Variants in MIA3 observed in about 807,000 individuals in gnomAD.
MIA3 encodes transport and Golgi organization protein 1 homolog.
Under a neutral mutation model 192.4 loss-of-function variants are expected in MIA3, and 90 were observed. The ratio of observed to expected loss-of-function variants is 0.47; its 90% CI spans 0.39 to 0.56. MIA3 has a LOEUF of 0.56. MIA3 is among the 20% of genes least tolerant of loss of function. The pLI is 0.00. For synonymous variants in MIA3, 740 were observed against 792.8 expected, an observed-to-expected ratio of 0.93 and a Z score of 1.12; for missense variants, 2,123 against 2,269.4, an observed-to-expected ratio of 0.94 and a Z score of 1.31.
At chr1:222,618,757 G>A (rs1230138010) in intron 1 of MIA3, among the ~76,000 whole-genome samples, 2 of 152,050 alleles carry the variant, frequency 1.3e-5, no homozygotes, top group Non-Finnish European at 2.9e-5. Context: ...CCAGTGGCAG[G>A]TTGATGGTGG....
intron 3 of MIA3, among the ~76,000 whole-genome samples, chr1:222,627,130 A>G (rs1314758904): frequency 6.6e-6 from 1 of 152,278 alleles, no homozygotes; most frequent in African/African-American, 2.4e-5. Context: ...TGTTTGGAGT[A>G]TGCAGAAATA....
chr1:222,644,343 C>G, intron 6 of MIA3: 1 of 1,480,016 alleles, frequency 6.8e-7, no homozygotes, highest in Non-Finnish European at 9.0e-7. Flanking sequence ...GTGCAGGCAG[C>G]TGTGGAAGGC....
chr1:222,660,436 A>G (rs115327360), intron 24 of MIA3, 122 bp downstream of exon 24: 24,864 of 947,996 alleles, frequency 0.026, 459 homozygotes, highest in Non-Finnish European at 0.032. Flanking sequence ...AAATTTCTTA[A>G]TTTGTCTTGG....
At chr1:222,633,597 C>T (rs901297559) in intron 6 of MIA3, among the ~76,000 whole-genome samples, 1 of 152,132 alleles carries the variant, frequency 6.6e-6, no homozygotes, top group African/African-American at 2.4e-5. Context: ...CAATCTGTGG[C>T]ATAAATTGGT....
At chr1:222,644,773 C>CTTTTTTT (rs551970012) in intron 6 of MIA3, among the ~76,000 whole-genome samples, 1 of 144,002 alleles carries the variant, frequency 6.9e-6, no homozygotes. Flanking sequence ...TTTCGTCACT[C>CTTTTTTT]TTTTTTTTTT....
intron 6 of MIA3, chr1:222,641,315 G>T: frequency 4.1e-6 from 1 of 244,330 alleles, no homozygotes; most frequent in Non-Finnish European, 8.3e-6. Flanking sequence ...TGCCCAGCTG[G>T]CACATTTACT....
chr1:222,633,582 T>C (rs1662500327), intron 6 of MIA3, among the ~76,000 whole-genome samples: 1 of 152,178 alleles, frequency 6.6e-6, no homozygotes. Context: ...TACCTGATGG[T>C]AGAACAATCT....
Position 222,653,046 on chromosome 1 carries a change from T to G in MIA3, c.4125T>G (p.Ala1375=), listed in dbSNP as rs1663523700. 1 of 1,613,018 alleles carries G rather than the reference T, an allele frequency of 6.2e-7. No individual in the cohort carries two copies. Among genetic ancestry groups the G allele is most frequent in the Non-Finnish European group, 8.5e-7 (1 of 1,179,180 alleles). The change falls in exon 14 of 28, where the codon GCT becomes GCG. Residue 1375 remains alanine (A), a synonymous_variant. Transcript: ENST00000344922. ...TCGAAGACTGGAGTAAATTACATGC[T>G]GAGCTCAGTGAGCAAATCAAATCAT... The part of the protein sequence containing the change: ...QEIEDWSKLH[A]ELSEQIKSFE...
rs533379435 is a variant in MIA3 at position 222,661,034 on chromosome 1, T to C, written c.5113+720T>C. 2.0e-5 allele frequency: 3 copies of C among 152,436 alleles called. 1 individual carries two copies. The South Asian group carries it at 6.2e-4, about 32-fold the overall frequency. 9.4% of individuals were successfully genotyped at this position (152,436 alleles called of 1,614,324 possible). A position where few individuals can be genotyped will look rare whatever the true frequency, so the allele number is the denominator to read the frequency against. ...GTTGCTATTGCAGTGAGCTCAAGTG[T>C]TGTGAGTATCCGCTTAAAACACCGT... On this transcript the variant is annotated intron_variant, in intron 24 of 27. Transcript: ENST00000344922.
chr1:222,650,967 T>C (rs1663399724), intron 11 of MIA3, 64 bp downstream of exon 11: 2 of 936,574 alleles, frequency 2.1e-6, no homozygotes, highest in African/African-American at 1.7e-5. Context: ...TAGATTGAGT[T>C]GAACTCTTTA....
Position 222,629,450 on chromosome 1 carries a change from G to A in MIA3, c.2230G>A (p.Glu744Lys). 1 of 1,614,080 alleles carries A rather than the reference G, an allele frequency of 6.2e-7. No individual in the cohort carries two copies. The highest frequency in any genetic ancestry group is 8.5e-7 in the Non-Finnish European group (1 of 1,180,008). ...CGCTATAAATGCAAAACGGTCTAAAGAAAAAAACCCTGGGAATCAGGGCAG... is the reference window on the plus strand; with the variant it reads ...CGCTATAAATGCAAAACGGTCTAAAAAAAAAAACCCTGGGAATCAGGGCAG... The part of the protein sequence containing the change: ...ENAINAKRSK[E>K]KNPGNQGRQF... The change falls in exon 4 of 28, where the codon GAA (glutamate) becomes AAA (lysine). Residue 744 changes from glutamate to lysine, a missense_variant. By Grantham distance (56) the Glu-to-Lys change is moderately conservative. Around this residue, in one of 3 missense-constraint regions of MIA3, gnomAD observed 1,357 missense variants for 1,396.1 expected, o/e 0.97. Coordinates refer to ENST00000344922, the MANE Select transcript of MIA3 (RefSeq NM_198551.4).
At chr1:222,648,221 T>A (rs1163511368) in intron 7 of MIA3, among the ~76,000 whole-genome samples, 5 of 152,200 alleles carry the variant, frequency 3.3e-5, no homozygotes, top group Non-Finnish European at 7.4e-5. Context: ...CTCTTCCCTG[T>A]CAGGTTTATG....
intron 2 of MIA3, among the ~76,000 whole-genome samples, chr1:222,623,735 C>T (rs535177162): frequency 6.6e-6 from 1 of 151,994 alleles, no homozygotes; most frequent in African/African-American, 2.4e-5. Context: ...ATTTACATGC[C>T]AGCCTCCTCC....
intron 18 of MIA3, among the ~76,000 whole-genome samples, chr1:222,655,501 G>T (rs1663671871): frequency 6.6e-6 from 1 of 152,208 alleles, no homozygotes. Flanking sequence ...GTATATGGCA[G>T]TGTGTGAGGA....
intron 7 of MIA3, 139 bp from the exon 8 acceptor site, chr1:222,648,690 C>A: frequency 3.3e-6 from 2 of 611,632 alleles, no homozygotes; most frequent in South Asian, 3.6e-5. Context: ...TAAGTTTTTT[C>A]ATCTTGAGGA....
Position 222,665,724 on chromosome 1 carries a change from T to C in MIA3, c.*105T>C. On this transcript the variant is annotated 3_prime_UTR_variant, in exon 28 of 28. Coordinates refer to ENST00000344922, the MANE Select transcript of MIA3 (RefSeq NM_198551.4). ...AAATCCAAAAGTTTATTTTAAAAGG[T>C]TTGTTGTTAGAACTAAGCTGCCTTG... The C allele has an allele frequency of 1.9e-6, 2 of 1,043,156 alleles. No homozygotes were observed. Among genetic ancestry groups the C allele is most frequent in the Non-Finnish European group, 2.6e-6 (2 of 758,388 alleles). 64.6% of individuals were successfully genotyped at this position (1,043,156 alleles called of 1,614,324 possible).
At chr1:222,651,866 T>C (rs1663454306) in intron 11 of MIA3, 111 bp from the exon 12 acceptor site, 1 of 719,368 alleles carries the variant, frequency 1.4e-6, no homozygotes, top group Non-Finnish European at 2.5e-6. Flanking sequence ...ACCTGAAACA[T>C]AGGGGATGGC....
At position 222,627,661 on chromosome 1, in the gene MIA3, C is replaced by T. The variant is rs1662180490; in HGVS notation, c.441C>T (p.Tyr147=). The T allele has an allele frequency of 6.2e-7, 1 of 1,611,264 alleles. No homozygotes were observed. Among genetic ancestry groups the T allele is most frequent in the Non-Finnish European group, 8.5e-7 (1 of 1,178,990 alleles). The change falls in exon 4 of 28, where the codon TAC becomes TAT. Residue 147 remains tyrosine (Y), a synonymous_variant. Transcript: ENST00000344922. Reference sequence around the variant, plus strand: ...AACTTTTAGGGTTTTTGGAACTGTACAATTCTGCAGCTACAGATTCTGAGA... The same window carrying T: ...AACTTTTAGGGTTTTTGGAACTGTATAATTCTGCAGCTACAGATTCTGAGA... The part of the protein sequence containing the change: ...VEELLGFLEL[Y]NSAATDSEKA...
At position 222,621,145 on chromosome 1, in the gene MIA3, C is replaced by G. The variant is rs369367231; in HGVS notation, c.134-14C>G. 8.9e-6 allele frequency: 14 copies of G among 1,577,366 alleles called. No homozygotes were observed. In the South Asian group the frequency reaches 1.5e-4, roughly 17 times the overall value. On this transcript the variant is annotated splice_polypyrimidine_tract_variant and intron_variant, in intron 1 of 27. Coordinates refer to ENST00000344922, the MANE Select transcript of MIA3 (RefSeq NM_198551.4). ...TGATATCTGGCTATTTTTTTTCTCT[C>G]TCTTTATATACAGTGTTAATGTACC... is the stretch of plus-strand genomic sequence containing the variant.
Sources: allele counts gnomAD v4.1 joint callset (sites outside exome capture counted in the v4.1 genomes callset), GRCh38; gene constraint gnomAD v4.1.1; regional missense constraint gnomAD v4.1.1; transcripts MANE v1.5; gene names NCBI Gene and HGNC (gene_info 2026-07-23, HGNC 2026-07-21).